The following FUT8 variants were observed in gnomAD, a reference collection of about 807,000 sequenced individuals.
The protein encoded by FUT8 is fucosyltransferase 8.
In FUT8, 29 loss-of-function variants were observed where a neutral mutation model predicts 71.3. The observed-to-expected ratio is 0.41, with a 90% CI of 0.30 to 0.55. The LOEUF (loss-of-function observed/expected upper bound fraction) is 0.55. FUT8 is among the 20% of genes least tolerant of loss of function. The probability of loss-of-function intolerance (pLI) is 0.34; values close to 1 mark genes in which losing one functional copy is unlikely to be tolerated. For synonymous variants in FUT8, 254 were observed against 239.3 expected (o/e 1.06, Z -0.57); for missense variants, 544 against 702.1 (o/e 0.77, Z 2.55).
chr14:65,700,031 G>T (rs1183283611), intron 7 of FUT8, among the ~76,000 whole-genome samples: 1 of 152,150 alleles, frequency 6.6e-6, no homozygotes, highest in African/African-American at 2.4e-5. Flanking sequence ...GCAAGGAAAA[G>T]AAATAATTTG....
Position 65,604,700 on chromosome 14 carries a change from A to T in FUT8, c.204-11278A>T, listed in dbSNP as rs1888478624. Among the ~76,000 whole-genome samples the T allele has an allele frequency of 3.3e-5, 5 of 151,934 alleles. 1 individual carries two copies. In the South Asian group the frequency reaches 1.0e-3, roughly 32 times the overall value. On this transcript the variant is annotated intron_variant, in intron 3 of 10. Transcript: ENST00000673929. ...GGTCACACCTCAAGGAACTAGAGAA[A>T]CAAGAACAAGAACAAACCAGACCCA...
intron 3 of FUT8, among the ~76,000 whole-genome samples, chr14:65,590,474 C>T (rs1489079467): frequency 6.6e-6 from 1 of 151,990 alleles, no homozygotes; most frequent in Non-Finnish European, 1.5e-5. Flanking sequence ...TGGAAAAATC[C>T]CTTAAGATGT....
rs1491297589 is a variant in FUT8, at chr14:65,439,990, ATG to A, written c.-325-15629_-325-15628del. 4.0e-3 allele frequency among the ~76,000 whole-genome samples: 558 copies of A among 139,898 alleles called. 4 individuals carry two copies. The highest frequency in any genetic ancestry group is 0.014 in the African/African-American group (542 of 38,388). 91.8% of individuals were successfully genotyped at this position (139,898 alleles called of 152,430 possible). A position where few individuals can be genotyped will look rare whatever the true frequency, so the allele number is the denominator to read the frequency against. ...TATATATATATATATATATATATAT[ATG>A]TACACACACACAGTGGAATACTGTT... On this transcript the variant is annotated intron_variant, in intron 1 of 10. Coordinates refer to ENST00000673929, the MANE Select transcript of FUT8 (RefSeq NM_001371533.1).
chr14:65,591,963 A>G (rs1444797050), intron 3 of FUT8, among the ~76,000 whole-genome samples: 1 of 152,004 alleles, frequency 6.6e-6, no homozygotes, highest in Non-Finnish European at 1.5e-5. Context: ...TAACTAAAAA[A>G]CATGTAAACT....
intron 5 of FUT8, among the ~76,000 whole-genome samples, chr14:65,625,985 G>A (rs1257526561): frequency 6.6e-6 from 1 of 152,124 alleles, no homozygotes; most frequent in Non-Finnish European, 1.5e-5. Flanking sequence ...GCAAATCACA[G>A]TTGTTGAGGG....
intron 6 of FUT8, among the ~76,000 whole-genome samples, chr14:65,639,769 G>C (rs981529819): frequency 2.6e-5 from 4 of 152,038 alleles, no homozygotes. Context: ...TGTTTCATCT[G>C]TACTACCAGT....
At chr14:65,422,190 A>G (rs189310328) in intron 1 of FUT8, among the ~76,000 whole-genome samples, 4 of 152,284 alleles carry the variant, frequency 2.6e-5, no homozygotes, top group East Asian at 1.9e-4. Flanking sequence ...CAAAGCATCA[A>G]TGGAACCAAT....
At chr14:65,503,585 C>T (rs2066680566) in intron 2 of FUT8, among the ~76,000 whole-genome samples, 1 of 152,194 alleles carries the variant, frequency 6.6e-6, no homozygotes, top group Non-Finnish European at 1.5e-5. Context: ...TCTGCTAACA[C>T]AAATAGAAAG....
At chr14:65,515,507 C>T (rs1882654375) in intron 2 of FUT8, among the ~76,000 whole-genome samples, 1 of 151,130 alleles carries the variant, frequency 6.6e-6, no homozygotes. Context: ...TAAGATTTCA[C>T]TATATAATGT....
At chr14:65,439,991 T>TATATATATATATATATATATATAC (rs1491251493) in intron 1 of FUT8, among the ~76,000 whole-genome samples, 1 of 134,244 alleles carries the variant, frequency 7.4e-6, no homozygotes, top group Non-Finnish European at 1.6e-5. Flanking sequence ...TATATATATA[T>TATATATATATATATATATATATAC]GTACACACAC....
intron 2 of FUT8, among the ~76,000 whole-genome samples, chr14:65,528,195 A>G (rs1177681645): frequency 6.6e-6 from 1 of 152,168 alleles, no homozygotes; most frequent in Non-Finnish European, 1.5e-5. Flanking sequence ...GGTGGACTCC[A>G]CCCAGTTTGA....
intron 1 of FUT8, among the ~76,000 whole-genome samples, chr14:65,452,783 A>G (rs1164868528): frequency 6.6e-6 from 1 of 152,220 alleles, no homozygotes; most frequent in African/African-American, 2.4e-5. Flanking sequence ...TCAGACAAAA[A>G]AACTTCATAA....
intron 6 of FUT8, among the ~76,000 whole-genome samples, chr14:65,642,492 A>G (rs1466180994): frequency 1.3e-5 from 2 of 151,514 alleles, no homozygotes; most frequent in Admixed American, 1.3e-4. Context: ...AATCCCAGCT[A>G]CTTGGGAGGC....
At chr14:65,637,845 G>C (rs868862509) in intron 6 of FUT8, among the ~76,000 whole-genome samples, 8 of 152,108 alleles carry the variant, frequency 5.3e-5, no homozygotes, top group Non-Finnish European at 1.2e-4. Flanking sequence ...GGAAGTCGTC[G>C]TGGATTTTGC....
chr14:65,468,530 TCTTG>T lies in FUT8; in HGVS notation c.-228+12816_-228+12819del, dbSNP rs773598594. Among the ~76,000 whole-genome samples the T allele has an allele frequency of 3.9e-5, 6 of 152,106 alleles. No homozygotes were observed. The South Asian group carries it at 6.2e-4, about 16-fold the overall frequency. ...GTGTGTGTTGATTTTTTTCTTTACC[TCTTG>T]CTTCTTTCGAGATATCTTATTGGTC... is the stretch of plus-strand genomic sequence containing the variant. On this transcript the variant is annotated intron_variant, in intron 2 of 10. Coordinates refer to ENST00000673929, the MANE Select transcript of FUT8 (RefSeq NM_001371533.1).
chr14:65,591,131 T>G (rs1406649667), intron 3 of FUT8, among the ~76,000 whole-genome samples: 2 of 152,174 alleles, frequency 1.3e-5, no homozygotes, highest in East Asian at 1.9e-4. Flanking sequence ...TAATTCCTCC[T>G]TCACACAAAG....
intron 9 of FUT8, among the ~76,000 whole-genome samples, chr14:65,725,350 G>A (rs955539502): frequency 1.3e-5 from 2 of 152,122 alleles, no homozygotes; most frequent in African/African-American, 4.8e-5. Flanking sequence ...CCCTACAGTT[G>A]AGTAACACTA....
the FUT8 span, among the ~76,000 whole-genome samples, chr14:65,404,806 T>C: frequency 6.6e-6 from 1 of 152,224 alleles, no homozygotes; most frequent in South Asian, 2.1e-4. Flanking sequence ...GCCTTATTGA[T>C]CCAGCCTAAC....
chr14:65,670,225 A>G (rs1029462261), intron 7 of FUT8, among the ~76,000 whole-genome samples: 1 of 152,188 alleles, frequency 6.6e-6, no homozygotes, highest in Admixed American at 6.5e-5. Flanking sequence ...TTCTTTCTAC[A>G]ATCATGATCT....
Sources: allele counts gnomAD v4.1 joint callset (sites outside exome capture counted in the v4.1 genomes callset), GRCh38; gene constraint gnomAD v4.1.1; transcripts MANE v1.5; gene names NCBI Gene and HGNC (gene_info 2026-07-23, HGNC 2026-07-21).